The following EPB41L4B variants were observed in gnomAD, a reference collection of about 807,000 sequenced individuals.
The protein encoded by EPB41L4B is erythrocyte membrane protein band 4.1 like 4B, also known as band 4.1-like protein 4B.
In EPB41L4B, 30 loss-of-function variants were observed where a neutral mutation model predicts 112.5. That is an observed-to-expected ratio of 0.27 (90% CI 0.20 to 0.36). EPB41L4B has a LOEUF of 0.36. EPB41L4B is among the 10% of genes least tolerant of loss of function. EPB41L4B has a pLI of 1.00. For synonymous variants in EPB41L4B, 408 were observed against 439.7 expected (o/e 0.93, Z 0.90); for missense variants, 1,024 against 1,133.3 (o/e 0.90, Z 1.38).
intron 1 of EPB41L4B, among the ~76,000 whole-genome samples, chr9:109,305,234 G>GA (rs71372562): frequency 1.3e-5 from 2 of 151,398 alleles, no homozygotes; most frequent in East Asian, 3.9e-4. Flanking sequence ...AGGATGGGGG[G>GA]AATGATGGGA....
At chr9:109,197,467 C>T (rs981707330) in intron 20 of EPB41L4B, among the ~76,000 whole-genome samples, 41 of 151,458 alleles carry the variant, frequency 2.7e-4, no homozygotes, top group African/African-American at 1.5e-4. Flanking sequence ...GGCAAATGAG[C>T]GGTAGCCAGC....
At chr9:109,189,635 TA>T (rs1265746803) in intron 22 of EPB41L4B, among the ~76,000 whole-genome samples, 4 of 152,168 alleles carry the variant, frequency 2.6e-5, no homozygotes, top group Admixed American at 6.5e-5. Flanking sequence ...TTTATTTATT[TA>T]TTTTTTTTGG....
intron 25 of EPB41L4B, among the ~76,000 whole-genome samples, chr9:109,176,337 T>C (rs10816775): frequency 0.4 from 60,703 of 151,970 alleles, 12,758 homozygotes; most frequent in Middle Eastern, 0.48. Flanking sequence ...CAGGCTGGTC[T>C]TGAACTCCTG....
chr9:109,272,401 G>T (rs1835657615), intron 2 of EPB41L4B, among the ~76,000 whole-genome samples: 1 of 152,174 alleles, frequency 6.6e-6, no homozygotes, highest in African/African-American at 2.4e-5. Context: ...GATCAAAGCT[G>T]CAATGAGCTA....
At chr9:109,208,922 T>C (rs367726891) in intron 17 of EPB41L4B, among the ~76,000 whole-genome samples, 1 of 152,154 alleles carries the variant, frequency 6.6e-6, no homozygotes, top group African/African-American at 2.4e-5. Context: ...AATAAATACC[T>C]ACTAAAGAAG....
In EPB41L4B at chr9:109,213,824, A is replaced by C. The variant is rs1437291273; in HGVS notation, c.1634-6T>G. The C allele has an allele frequency of 6.2e-7, 1 of 1,612,350 alleles. No homozygotes were observed. ...AGGTGTTCCTGGACTCAGTTCTACA[A>C]AGCAGCCAGGAGAAATAAATAAGGA... is the stretch of plus-strand genomic sequence containing the variant. On this transcript the variant is annotated splice_polypyrimidine_tract_variant and splice_region_variant and intron_variant, in intron 16 of 25. Transcript: ENST00000374566.
intron 1 of EPB41L4B, among the ~76,000 whole-genome samples, chr9:109,281,139 T>C (rs1434565100): frequency 3.3e-5 from 5 of 151,924 alleles, no homozygotes; most frequent in Admixed American, 1.3e-4. Flanking sequence ...TTTTTTTTTT[T>C]TTTGCTTCAA....
Position 109,176,616 on chromosome 9 carries a change from CA to C in EPB41L4B, c.2567del (p.Leu856Ter). The C allele has an allele frequency of 6.2e-7, 1 of 1,614,032 alleles. No homozygotes were observed. The highest frequency in any genetic ancestry group is 8.5e-7 in the Non-Finnish European group (1 of 1,179,996). On this transcript the variant is annotated frameshift_variant, in exon 25 of 26. Coordinates refer to ENST00000374566, the MANE Select transcript of EPB41L4B (RefSeq NM_019114.5). LOFTEE classifies it high-confidence loss of function. ...PLIPAATLRPLTETVSTVQTI... is the reference protein window; with the variant it reads ...PLIPAATLRPXTETVSTVQTI... ...TCTGCACTGTGGAGACGGTCTCTGT[CA>C]AAGGCCTCAGGGTCGCTGCTGGGAT...
At chr9:109,190,282 A>G (rs1320138608) in intron 22 of EPB41L4B, among the ~76,000 whole-genome samples, 1 of 152,172 alleles carries the variant, frequency 6.6e-6, no homozygotes, top group Non-Finnish European at 1.5e-5. Flanking sequence ...GACTACATGG[A>G]AAAAGTATTC....
In EPB41L4B at chr9:109,255,471, T is replaced by A. The variant is rs374972137; in HGVS notation, c.1169+40A>T. Reference sequence around the variant, plus strand: ...AAGAAAGAAATCACAGTTGCCCTCCTTCAGAAGACGTGATCCGTGTTGCAG... The same window carrying A: ...AAGAAAGAAATCACAGTTGCCCTCCATCAGAAGACGTGATCCGTGTTGCAG... On this transcript the variant is annotated intron_variant, in intron 11 of 25. Transcript: ENST00000374566. The A allele has an allele frequency of 2.9e-5, 47 of 1,604,576 alleles. No individual in the cohort carries two copies. In the African/African-American group the frequency reaches 5.1e-4, roughly 17 times the overall value.
At chr9:109,287,602 C>T (rs1175968670) in intron 1 of EPB41L4B, among the ~76,000 whole-genome samples, 1 of 152,128 alleles carries the variant, frequency 6.6e-6, no homozygotes, top group Non-Finnish European at 1.5e-5. Context: ...AAACGTGGCT[C>T]CCCTTTATCT....
rs1425545695 is a variant in EPB41L4B, at chr9:109,256,187, G to A, written c.878C>T (p.Pro293Leu). The A allele has an allele frequency of 1.2e-6, 2 of 1,614,068 alleles. No homozygotes were observed. The highest frequency in any genetic ancestry group is 1.7e-6 in the Non-Finnish European group (2 of 1,179,986). ...TCCTTCAAAGATTAATATGCCTGTC[G>A]GGGTCAGTCCAAGAGAATATTCACA... is the stretch of plus-strand genomic sequence containing the variant. ...DGCEYSLGLT[P>L]TGILIFEGAN... Residue 293 changes from proline (P) to leucine (L), a missense_variant, in exon 9 of 26, where the codon CCG becomes CTG. By Grantham distance (98) the Pro-to-Leu change is moderately conservative. Coordinates refer to ENST00000374566, the MANE Select transcript of EPB41L4B (RefSeq NM_019114.5).
intron 1 of EPB41L4B, among the ~76,000 whole-genome samples, chr9:109,287,638 G>T (rs1359912633): frequency 3.9e-5 from 6 of 152,164 alleles, no homozygotes; most frequent in Non-Finnish European, 8.8e-5. Context: ...ATCAGATGAT[G>T]TGTCTTTCTT....
chr9:109,220,580 T>C (rs1588145970), intron 15 of EPB41L4B, among the ~76,000 whole-genome samples: 1 of 152,270 alleles, frequency 6.6e-6, no homozygotes, highest in South Asian at 2.1e-4. Flanking sequence ...ACCTGTCACT[T>C]GGGGACATTG....
rs139056330 is a variant in EPB41L4B, at chr9:109,308,526, C to T, written c.306+11615G>A. 2.9e-3 allele frequency among the ~76,000 whole-genome samples: 442 copies of T among 152,178 alleles called. 5 individuals carry two copies. The highest frequency in any genetic ancestry group is 9.9e-3 in the African/African-American group (411 of 41,510). ...TATCTATCAAATGCAATGAAAGAAC[C>T]TTGCTGAAAACCACAGAAGAAAATT... On this transcript the variant is annotated intron_variant, in intron 1 of 25. Transcript: ENST00000374566.
At chr9:109,226,589 A>G (rs891672796) in intron 15 of EPB41L4B, among the ~76,000 whole-genome samples, 3 of 139,124 alleles carry the variant, frequency 2.2e-5, no homozygotes, top group African/African-American at 8.5e-5. Context: ...TACAATCAAA[A>G]CCTCTCTTTG....
At chr9:109,241,638 A>G (rs968388768) in intron 15 of EPB41L4B, 1 of 1,613,474 alleles carries the variant, frequency 6.2e-7, no homozygotes, top group Non-Finnish European at 8.5e-7. Context: ...ATGAAGGTGA[A>G]TGGAAGAGAG....
At chr9:109,263,185 A>G in intron 5 of EPB41L4B, 83 bp from the exon 6 acceptor site, 1 of 968,452 alleles carries the variant, frequency 1.0e-6, no homozygotes. Flanking sequence ...ATTTTTCAAA[A>G]GGTAGCGCTA....
intron 6 of EPB41L4B, among the ~76,000 whole-genome samples, chr9:109,259,721 T>G (rs1308396336): frequency 6.6e-6 from 1 of 152,180 alleles, no homozygotes; most frequent in Non-Finnish European, 1.5e-5. Flanking sequence ...GCCTATTAGT[T>G]CTCCCTTCTT....
Sources: gnomAD v4.1 joint callset for allele counts (sites outside exome capture counted in the v4.1 genomes callset) on GRCh38, gnomAD v4.1.1 for gene constraint, MANE v1.5 for transcripts, NCBI Gene and HGNC (gene_info 2026-07-23, HGNC 2026-07-21) for gene names.